NOL4L: variants seen among roughly 807,000 people sequenced by gnomAD.
The protein encoded by NOL4L is nucleolar protein 4 like, also known as nucleolar protein 4-like.
Under a neutral mutation model 64.5 loss-of-function variants are expected in NOL4L, and 7 were observed. That is an observed-to-expected ratio of 0.11 (90% CI 0.06 to 0.20). NOL4L has a LOEUF of 0.20. Ranked by LOEUF, NOL4L falls within the 10% of genes least tolerant of loss-of-function variation. The pLI, the probability that NOL4L is intolerant of heterozygous loss-of-function variation, is 1.00. For synonymous variants in NOL4L, 413 were observed against 401.0 expected (o/e 1.03, Z -0.36); for missense variants, 680 against 967.1 (o/e 0.70, Z 3.94).
chr20:32,452,321 G>T lies in NOL4L; in HGVS notation c.1737C>A (p.Gly579=). Reference sequence around the variant, plus strand: ...CGTACCCGCGGTAACTGTAGTTGAGGCCGCCGTTGGCGTACACAGGGTCCT... The same window carrying T: ...CGTACCCGCGGTAACTGTAGTTGAGTCCGCCGTTGGCGTACACAGGGTCCT... The part of the protein sequence containing the change: ...YSQDPVYANG[G]LNYSYRGYGA... The change falls in exon 10 of 11, where the codon GGC becomes GGA. Residue 579 remains glycine, a synonymous_variant. Coordinates refer to ENST00000621426, the MANE Select transcript of NOL4L (RefSeq NM_001256798.2). 1 of 1,609,790 alleles carries T rather than the reference G, an allele frequency of 6.2e-7. No homozygotes were observed. The highest frequency in any genetic ancestry group is 8.5e-7 in the Non-Finnish European group (1 of 1,177,780).
At chr20:32,515,356 G>A (rs889604461) in intron 3 of NOL4L, among the ~76,000 whole-genome samples, 1 of 152,154 alleles carries the variant, frequency 6.6e-6, no homozygotes, top group Non-Finnish European at 1.5e-5. Flanking sequence ...CAGAATGAGA[G>A]TTCTGTGGGG....
At chr20:32,538,462 GCTCCCTCCCTCCCTCC>G (rs145359787) in intron 1 of NOL4L, among the ~76,000 whole-genome samples, 41,537 of 126,242 alleles carry the variant, frequency 0.33, 7,291 homozygotes, top group East Asian at 0.78. Context: ...TCCCTCCCTC[GCTCCCTCCCTCCCTCC>G]CTCCCTCCCT....
intron 5 of NOL4L, 106 bp from the exon 6 acceptor site, chr20:32,456,501 G>A (rs2013544617): frequency 1.3e-5 from 15 of 1,187,830 alleles, no homozygotes; most frequent in Admixed American, 4.1e-5. Context: ...TCCCTGGGTT[G>A]GGGTGAGTGC....
rs529789548 is a variant in NOL4L at position 32,481,971 on chromosome 20, G to C, written c.700-7229C>G. On this transcript the variant is annotated intron_variant, in intron 4 of 10. Transcript: ENST00000621426. The stretch of plus-strand genomic sequence containing the variant: ...TGAGTTGGTGGGGCGGGGCGGGGGG[G>C]GGGGAGCAGGCTGGGGTTGCCAGCT... Among the ~76,000 whole-genome samples, 32 of 148,690 alleles carry C rather than the reference G, an allele frequency of 2.2e-4. 4 individuals are homozygous for C. Among genetic ancestry groups the C allele is most frequent in the African/African-American group, 4.2e-4 (17 of 40,730 alleles).
intron 5 of NOL4L, among the ~76,000 whole-genome samples, chr20:32,469,130 C>T (rs897017823): frequency 6.6e-5 from 10 of 151,942 alleles, no homozygotes; most frequent in Admixed American, 5.2e-4. Flanking sequence ...GGGCACACAG[C>T]GGGCTCAGGA....
chr20:32,524,086 A>G (rs1354046004), intron 2 of NOL4L, among the ~76,000 whole-genome samples: 6 of 152,204 alleles, frequency 3.9e-5, no homozygotes, highest in African/African-American at 9.7e-5. Context: ...CTGACCTACC[A>G]GCACCCTGGG....
chr20:32,490,023 G>A (rs1406974218), intron 4 of NOL4L, among the ~76,000 whole-genome samples: 1 of 150,190 alleles, frequency 6.7e-6, no homozygotes. Flanking sequence ...TAGCTACTGG[G>A]GAGGCTGAGG....
At chr20:32,531,236 G>A (rs7269149) in intron 1 of NOL4L, among the ~76,000 whole-genome samples, 235 of 152,308 alleles carry the variant, frequency 1.5e-3, no homozygotes, top group African/African-American at 5.1e-3. Flanking sequence ...AAAGGAAGGA[G>A]ATAAAATTTT....
chr20:32,478,125 C>T (rs984550025), intron 4 of NOL4L, among the ~76,000 whole-genome samples: 5 of 152,102 alleles, frequency 3.3e-5, no homozygotes, highest in South Asian at 4.2e-4. Context: ...ACACTGTCAC[C>T]GCACCATGGG....
At chr20:32,492,384 C>T (rs1272868165) in intron 4 of NOL4L, among the ~76,000 whole-genome samples, 1 of 152,196 alleles carries the variant, frequency 6.6e-6, no homozygotes, top group Non-Finnish European at 1.5e-5. Context: ...ATGTATGCTC[C>T]TAGAAGTCAG....
At chr20:32,459,825 C>T (rs1568607002) in intron 5 of NOL4L, among the ~76,000 whole-genome samples, 3 of 152,240 alleles carry the variant, frequency 2.0e-5, no homozygotes, top group Admixed American at 6.5e-5. Context: ...TGAGCCACTG[C>T]GCCCAACCCA....
rs1737888 is a variant in NOL4L at position 32,453,229 on chromosome 20, C to T, written c.1497+75G>A. 5,362 of 1,545,006 alleles carry T rather than the reference C, an allele frequency of 3.5e-3. 152 individuals are homozygous for T. In the African/African-American group the frequency reaches 0.063, roughly 18 times the overall value. ...TGGGAAGACCCTGGGTGAAGGGGCC[C>T]GGGCATCCTGGGAGTGTGGCAGGAG... On this transcript the variant is annotated intron_variant, in intron 8 of 10. Coordinates refer to ENST00000621426, the MANE Select transcript of NOL4L (RefSeq NM_001256798.2). The surrounding 1 kb of genome is among the most constrained non-coding windows in gnomAD (Gnocchi z 5.6).
chr20:32,564,207 G>GA (rs1217583017), intron 1 of NOL4L, among the ~76,000 whole-genome samples: 1 of 152,214 alleles, frequency 6.6e-6, no homozygotes, highest in African/African-American at 2.4e-5. Context: ...AGGAAGGCCA[G>GA]AAGAGACCAT....
chr20:32,486,835 C>T (rs2016109511), intron 4 of NOL4L: 1 of 462,164 alleles, frequency 2.2e-6, no homozygotes, highest in Non-Finnish European at 4.5e-6. Flanking sequence ...GCCATGTGCT[C>T]CCCCAACATG....
intron 5 of NOL4L, among the ~76,000 whole-genome samples, chr20:32,471,989 C>T (rs891480248): frequency 7.9e-5 from 12 of 152,180 alleles, no homozygotes; most frequent in African/African-American, 2.9e-4. Flanking sequence ...ATTACCCAGC[C>T]TCAGGTATTC....
chr20:32,452,208 G>A, intron 10 of NOL4L, 28 bp downstream of exon 10: 1 of 1,493,836 alleles, frequency 6.7e-7, no homozygotes, highest in African/African-American at 1.4e-5. Flanking sequence ...TGGTCGGGAA[G>A]CCAGAGCCCA....
intron 3 of NOL4L, 33 bp downstream of exon 3, chr20:32,520,778 C>T (rs754649911): frequency 1.7e-5 from 24 of 1,385,832 alleles, no homozygotes; most frequent in East Asian, 7.5e-5. Context: ...AGATGGCCCC[C>T]GCCCTAGCCC....
intron 5 of NOL4L, among the ~76,000 whole-genome samples, chr20:32,470,624 G>A (rs1490244422): frequency 6.6e-6 from 1 of 152,252 alleles, no homozygotes; most frequent in Admixed American, 6.5e-5. Context: ...CACACCCTAT[G>A]ATGTGCACAG....
rs781771689 is a variant in NOL4L at position 32,511,311 on chromosome 20, G to A, written c.699+36C>T. The A allele has an allele frequency of 7.3e-5, 98 of 1,347,506 alleles. 1 individual carries two copies. Among genetic ancestry groups the A allele is most frequent in the Non-Finnish European group, 8.9e-5 (86 of 964,158 alleles). 83.5% of individuals were successfully genotyped at this position (1,347,506 alleles called of 1,614,324 possible). A position where few individuals can be genotyped will look rare whatever the true frequency, so the allele number is the denominator to read the frequency against. On this transcript the variant is annotated intron_variant, in intron 4 of 10. Coordinates refer to ENST00000621426, the MANE Select transcript of NOL4L (RefSeq NM_001256798.2). ...CAACCACCGCCAGGCAAGTCAGGAC[G>A]CCTCCAGGTGGGGTGAGGGGAGACG... is the stretch of plus-strand genomic sequence containing the variant.
Sources: allele counts gnomAD v4.1 joint callset (sites outside exome capture counted in the v4.1 genomes callset), GRCh38; gene constraint gnomAD v4.1.1; non-coding constraint Gnocchi (gnomAD v3.1); transcripts MANE v1.5; gene names NCBI Gene and HGNC (gene_info 2026-07-23, HGNC 2026-07-21).